Variants in SMG6 observed in about 807,000 individuals in gnomAD.
SMG6 encodes the protein telomerase-binding protein EST1A.
A neutral mutation model predicts 142.2 loss-of-function variants in SMG6; 66 were observed. The ratio of observed to expected loss-of-function variants is 0.46; its 90% CI spans 0.38 to 0.57. SMG6 has a LOEUF of 0.57. Ranked by LOEUF, SMG6 falls within the 20% of genes least tolerant of loss-of-function variation. SMG6 has a pLI of 0.00. For synonymous variants in SMG6, 779 were observed against 702.4 expected (o/e 1.11, Z -1.72); for missense variants, 1,793 against 1,832.0 (o/e 0.98, Z 0.39).
intron 10 of SMG6, among the ~76,000 whole-genome samples, chr17:2,209,177 A>G (rs2072775127): frequency 6.6e-6 from 1 of 152,174 alleles, no homozygotes; most frequent in African/African-American, 2.4e-5. Context: ...AAAACAAAAC[A>G]AAACAAGAGA....
chr17:2,064,585 C>A (rs987758381), intron 18 of SMG6, among the ~76,000 whole-genome samples: 6 of 152,060 alleles, frequency 3.9e-5, no homozygotes, highest in Non-Finnish European at 8.8e-5. Flanking sequence ...TGCCTCTGCC[C>A]CAGGCCTGAA....
intron 13 of SMG6, among the ~76,000 whole-genome samples, chr17:2,093,930 A>G (rs914607640): frequency 6.6e-6 from 1 of 152,026 alleles, no homozygotes; most frequent in African/African-American, 2.4e-5. Flanking sequence ...TATTTTATTC[A>G]GAACTAAGGT....
At chr17:2,091,702 G>A (rs1233846799) in intron 13 of SMG6, among the ~76,000 whole-genome samples, 8 of 145,976 alleles carry the variant, frequency 5.5e-5, no homozygotes, top group African/African-American at 1.0e-4. Context: ...AGAGAGTCTC[G>A]CTCTGTTGCC....
chr17:2,294,178 C>T (rs2151401188), intron 4 of SMG6, among the ~76,000 whole-genome samples: 1 of 152,344 alleles, frequency 6.6e-6, no homozygotes, highest in Non-Finnish European at 1.5e-5. Flanking sequence ...TAGCACATAA[C>T]TCAAATTTGT....
chr17:2,085,105 C>A lies in SMG6; in HGVS notation c.3534+620G>T, dbSNP rs529133126. 6.6e-6 allele frequency among the ~76,000 whole-genome samples: 1 copy of A among 152,304 alleles called. No homozygotes were observed. Among genetic ancestry groups the A allele is most frequent in the African/African-American group, 2.4e-5 (1 of 41,558 alleles). On this transcript the variant is annotated intron_variant, in intron 14 of 18. Transcript: ENST00000263073. This position sits in a 1 kb window ranked among gnomAD's most constrained non-coding sequence, Gnocchi z 4.1. ...ACTATTGCAGGGGCGGGTACACAGG[C>A]TCATGCATGTGCATGCGCGTGCGCA...
At chr17:2,123,156 C>G (rs376826514) in intron 13 of SMG6, among the ~76,000 whole-genome samples, 1 of 152,364 alleles carries the variant, frequency 6.6e-6, no homozygotes, top group Non-Finnish European at 1.5e-5. Flanking sequence ...GCCTCAGGAA[C>G]CGCGCTGGCT....
At chr17:2,076,272 A>G (rs1187546697) in intron 15 of SMG6, among the ~76,000 whole-genome samples, 1 of 152,144 alleles carries the variant, frequency 6.6e-6, no homozygotes, top group African/African-American at 2.4e-5. Context: ...AGAGCAGGGT[A>G]ATTTACAGCC....
At chr17:2,240,751 G>C (rs1305342856) in intron 9 of SMG6, among the ~76,000 whole-genome samples, 1 of 152,260 alleles carries the variant, frequency 6.6e-6, no homozygotes, top group Admixed American at 6.5e-5. Context: ...TGCTGACGCA[G>C]TGTGGAGCAC....
At chr17:2,295,809 A>G (rs1398608014) in intron 4 of SMG6, among the ~76,000 whole-genome samples, 1 of 152,118 alleles carries the variant, frequency 6.6e-6, no homozygotes, top group East Asian at 1.9e-4. Context: ...CCTCCACATC[A>G]GCATATCCAA....
intron 13 of SMG6, among the ~76,000 whole-genome samples, chr17:2,145,863 G>A (rs1482113230): frequency 6.6e-6 from 1 of 152,000 alleles, no homozygotes; most frequent in Non-Finnish European, 1.5e-5. Flanking sequence ...CCTGAAGTTT[G>A]GGTCAATGTA....
intron 16 of SMG6, chr17:2,065,919 G>GGCTA: frequency 1.8e-6 from 1 of 564,944 alleles, no homozygotes; most frequent in Non-Finnish European, 3.2e-6. Context: ...CTCTTGGGAG[G>GGCTA]AACTTAAAGG....
At position 2,112,386 on chromosome 17, in the gene SMG6, G is replaced by A. The variant is rs537605655; in HGVS notation, c.3358-26485C>T. On this transcript the variant is annotated intron_variant, in intron 13 of 18. Transcript: ENST00000263073. ...AGCCAGGCGTCGTGGCGGGCGTCTG[G>A]AGTCCCAGCTACTCGGGAGGCTGAG... is the stretch of plus-strand genomic sequence containing the variant. Among the ~76,000 whole-genome samples the A allele has an allele frequency of 3.2e-3, 489 of 151,226 alleles. 3 individuals carry two copies. Among genetic ancestry groups the A allele is most frequent in the Non-Finnish European group, 4.1e-3 (274 of 67,630 alleles).
At chr17:2,232,740 G>C (rs2073534136) in intron 10 of SMG6, 1 of 152,124 alleles carries the variant, frequency 6.6e-6, no homozygotes. Context: ...TGAGTTTTAA[G>C]ACCACTGCTG....
intron 13 of SMG6, among the ~76,000 whole-genome samples, chr17:2,123,807 T>C (rs1185960980): frequency 6.6e-6 from 1 of 152,172 alleles, no homozygotes; most frequent in Non-Finnish European, 1.5e-5. Context: ...CTCATCTGGT[T>C]TTTGTTGGGG....
chr17:2,079,571 G>A (rs2068353928), intron 15 of SMG6, among the ~76,000 whole-genome samples: 1 of 151,920 alleles, frequency 6.6e-6, no homozygotes, highest in Non-Finnish European at 1.5e-5. Context: ...GGGAGGTGGA[G>A]GTTGCAGTGA....
At chr17:2,187,743 T>C (rs1290189672) in intron 11 of SMG6, among the ~76,000 whole-genome samples, 1 of 138,504 alleles carries the variant, frequency 7.2e-6, no homozygotes, top group Non-Finnish European at 1.6e-5. Flanking sequence ...CTTCTGTCCC[T>C]AAAAAAAAAA....
intron 9 of SMG6, among the ~76,000 whole-genome samples, chr17:2,243,923 A>G (rs2073870619): frequency 6.6e-6 from 1 of 152,188 alleles, no homozygotes; most frequent in Non-Finnish European, 1.5e-5. Flanking sequence ...GGGAGATCCT[A>G]TACTAAAGAG....
rs556265263 is a variant in SMG6, at chr17:2,077,619, G to T, written c.3681+4191C>A. On this transcript the variant is annotated intron_variant, in intron 15 of 18. Transcript: ENST00000263073. ...GCACAGGCATTTTACGTGCACTGTG[G>T]TTCATTCCGAGGCCTCACAGCAGCT... Among the ~76,000 whole-genome samples, 35 of 152,340 alleles carry T rather than the reference G, an allele frequency of 2.3e-4. 2 individuals carry two copies. Among genetic ancestry groups the T allele is most frequent in the Admixed American group, 1.8e-3 (27 of 15,308 alleles).
intron 13 of SMG6, among the ~76,000 whole-genome samples, chr17:2,159,894 AC>A (rs1219439537): frequency 1.3e-5 from 2 of 152,262 alleles, no homozygotes; most frequent in African/African-American, 4.8e-5. Context: ...ATGCTGAGTG[AC>A]AAAACAAAGA....
Sources: allele counts gnomAD v4.1 joint callset (sites outside exome capture counted in the v4.1 genomes callset), GRCh38; gene constraint gnomAD v4.1.1; non-coding constraint Gnocchi (gnomAD v3.1); transcripts MANE v1.5; gene names NCBI Gene and HGNC (gene_info 2026-07-23, HGNC 2026-07-21).